HECW1: variants seen among roughly 807,000 people sequenced by gnomAD.
The protein encoded by HECW1 is HECT, C2 and WW domain containing E3 ubiquitin protein ligase 1, also known as E3 ubiquitin-protein ligase HECW1.
A neutral mutation model predicts 182.3 loss-of-function variants in HECW1; 61 were observed. That is an observed-to-expected ratio of 0.33 (90% CI 0.27 to 0.41). HECW1 has a LOEUF of 0.41. HECW1 is among the 10% of genes least tolerant of loss of function. HECW1 has a pLI of 1.00. For missense variants in HECW1, 1,739 were observed against 2,108.9 expected, an observed-to-expected ratio of 0.82 and a Z score of 3.44; for synonymous variants, 859 against 832.6, an observed-to-expected ratio of 1.03 and a Z score of -0.55.
chr7:43,435,202 C>CTCT (rs1296863828), intron 8 of HECW1, among the ~76,000 whole-genome samples: 1 of 151,564 alleles, frequency 6.6e-6, no homozygotes, highest in Non-Finnish European at 1.5e-5. Flanking sequence ...TGCATATCAC[C>CTCT]TATACCTAAC....
At chr7:43,163,699 G>A (rs190428370) in intron 2 of HECW1, among the ~76,000 whole-genome samples, 48 of 152,212 alleles carry the variant, frequency 3.2e-4, no homozygotes, top group African/African-American at 1.0e-3. Context: ...TCCCCCAAAT[G>A]GCTCTGCTTT....
At chr7:43,351,675 CTTCT>C (rs1223379153) in intron 5 of HECW1, among the ~76,000 whole-genome samples, 5 of 131,148 alleles carry the variant, frequency 3.8e-5, no homozygotes, top group African/African-American at 5.6e-5. Flanking sequence ...TTTTTTCTTT[CTTCT>C]TTTTTTTTTT....
chr7:43,322,885 T>C (rs1488764007), intron 5 of HECW1, among the ~76,000 whole-genome samples: 2 of 152,176 alleles, frequency 1.3e-5, no homozygotes, highest in African/African-American at 2.4e-5. Flanking sequence ...TAAGAACCCA[T>C]TTTAAGGTCA....
At chr7:43,151,377 T>C (rs1051299020) in intron 2 of HECW1, among the ~76,000 whole-genome samples, 1 of 152,192 alleles carries the variant, frequency 6.6e-6, no homozygotes, top group Non-Finnish European at 1.5e-5. Flanking sequence ...TTTTCTTTGA[T>C]AAACATGGAC....
At position 43,181,127 on chromosome 7, in the gene HECW1, A is replaced by T. The variant is rs190922956; in HGVS notation, c.-31-62748A>T. Among the ~76,000 whole-genome samples the T allele has an allele frequency of 7.1e-4, 107 of 150,644 alleles. 2 individuals carry two copies. The East Asian group carries it at 0.017, about 23-fold the overall frequency. ...TGTCTTTCTGTGCCTGGCTTATTTC[A>T]CTTAACATAATGTCCTCCAGGTTCA... On this transcript the variant is annotated intron_variant, in intron 2 of 29. Coordinates refer to ENST00000395891, the MANE Select transcript of HECW1 (RefSeq NM_015052.5).
intron 2 of HECW1, among the ~76,000 whole-genome samples, chr7:43,213,926 T>G (rs954000467): frequency 6.6e-6 from 1 of 152,124 alleles, no homozygotes; most frequent in Non-Finnish European, 1.5e-5. Flanking sequence ...AGTTTCTATG[T>G]GATCAAATCA....
chr7:43,160,312 A>G (rs1583753752), intron 2 of HECW1, among the ~76,000 whole-genome samples: 1 of 151,986 alleles, frequency 6.6e-6, no homozygotes, highest in African/African-American at 2.4e-5. Flanking sequence ...TTTTATGCAA[A>G]TACTTTTTTT....
At chr7:43,143,450 A>T (rs1405569557) in intron 2 of HECW1, among the ~76,000 whole-genome samples, 1 of 151,496 alleles carries the variant, frequency 6.6e-6, no homozygotes, top group Admixed American at 6.6e-5. Flanking sequence ...TGCCTGGCTA[A>T]TTTTTTTATT....
intron 19 of HECW1, among the ~76,000 whole-genome samples, chr7:43,497,563 C>T (rs529386963): frequency 2.0e-5 from 3 of 152,168 alleles, no homozygotes; most frequent in African/African-American, 7.2e-5. Flanking sequence ...TTAGGCAGCT[C>T]TGTGGGGAAA....
intron 2 of HECW1, among the ~76,000 whole-genome samples, chr7:43,236,179 A>G (rs1418879024): frequency 2.0e-5 from 3 of 152,234 alleles, no homozygotes; most frequent in Non-Finnish European, 4.4e-5. Flanking sequence ...ATATGAATGG[A>G]AAGAGCAATA....
At chr7:43,557,771 C>T (rs1035087864) in intron 29 of HECW1, among the ~76,000 whole-genome samples, 1 of 152,208 alleles carries the variant, frequency 6.6e-6, no homozygotes, top group Admixed American at 6.5e-5. Context: ...TATCACAACT[C>T]AGGACATGCA....
Position 43,227,843 on chromosome 7 carries a change from CAG to C in HECW1, c.-31-16029_-31-16028del, listed in dbSNP as rs1371500507. 5.3e-5 allele frequency among the ~76,000 whole-genome samples: 8 copies of C among 152,164 alleles called. 1 individual carries two copies. The highest frequency in any genetic ancestry group is 1.2e-4 in the Non-Finnish European group (8 of 68,032). On this transcript the variant is annotated intron_variant, in intron 2 of 29. Coordinates refer to ENST00000395891, the MANE Select transcript of HECW1 (RefSeq NM_015052.5). ...AATACATCCATGAAACTGCACAACTCAGAGTAAATTCTGGCACACAGAAAAAT... is the reference window on the plus strand; with the variant it reads ...AATACATCCATGAAACTGCACAACTCAGTAAATTCTGGCACACAGAAAAAT...
chr7:43,396,999 C>T, intron 7 of HECW1, 110 bp downstream of exon 7: 1 of 794,238 alleles, frequency 1.3e-6, no homozygotes, highest in Non-Finnish European at 2.2e-6. Context: ...CCTCTCTGTG[C>T]CTCAATTTCT....
chr7:43,179,579 T>TCG (rs1276052925), intron 2 of HECW1, among the ~76,000 whole-genome samples: 6 of 151,666 alleles, frequency 4.0e-5, no homozygotes, highest in African/African-American at 1.4e-4. Context: ...GTTGTTGTTG[T>TCG]TGTCGTTTTT....
intron 4 of HECW1, among the ~76,000 whole-genome samples, chr7:43,319,960 G>T (rs1363291341): frequency 6.6e-6 from 1 of 151,816 alleles, no homozygotes; most frequent in African/African-American, 2.4e-5. Context: ...TTATTCCTTT[G>T]CTTAGTGTTT....
intron 24 of HECW1, among the ~76,000 whole-genome samples, chr7:43,513,194 T>C (rs149036260): frequency 2.6e-5 from 4 of 152,310 alleles, no homozygotes; most frequent in African/African-American, 9.6e-5. Context: ...AATTAATTGC[T>C]CAAATTTCAC....
chr7:43,120,614 A>G (rs1005441765), intron 2 of HECW1, among the ~76,000 whole-genome samples: 1 of 151,754 alleles, frequency 6.6e-6, no homozygotes, highest in Non-Finnish European at 1.5e-5. Context: ...TGTCCACATT[A>G]TATTGGATAA....
intron 24 of HECW1, chr7:43,522,952 C>T (rs191869066): frequency 1.4e-4 from 52 of 365,800 alleles, no homozygotes; most frequent in Non-Finnish European, 2.5e-4. Flanking sequence ...CTGGCACTTC[C>T]GCCTACTCTT....
rs191666673 is a variant in HECW1, at chr7:43,409,145, G to A, written c.801+1414G>A. The stretch of plus-strand genomic sequence containing the variant: ...CACCCCCTTCCTGGGCTTAATTAGC[G>A]CTCTCCCAGGCTTCCCAGAAGAGCT... On this transcript the variant is annotated intron_variant, in intron 8 of 29. Transcript: ENST00000395891. Among the ~76,000 whole-genome samples, 444 of 152,248 alleles carry A rather than the reference G, an allele frequency of 2.9e-3. 2 individuals are homozygous for A. The highest frequency in any genetic ancestry group is 0.01 in the African/African-American group (418 of 41,554).
Sources: gnomAD v4.1 joint callset for allele counts (sites outside exome capture counted in the v4.1 genomes callset) on GRCh38, gnomAD v4.1.1 for gene constraint, MANE v1.5 for transcripts, NCBI Gene and HGNC (gene_info 2026-07-23, HGNC 2026-07-21) for gene names.